LARGE1: variants seen among roughly 807,000 people sequenced by gnomAD.
The protein encoded by LARGE1 is xylosyl- and glucuronyltransferase LARGE1.
In LARGE1, 43 loss-of-function variants were observed where a neutral mutation model predicts 87.6. The observed-to-expected ratio is 0.49, with a 90% CI of 0.38 to 0.63. The LOEUF is 0.63. Among genes scored for constraint, LARGE1 ranks in the 30% least tolerant of loss-of-function variants. The pLI is 0.00. For missense variants in LARGE1, 802 were observed against 1,000.2 expected, an observed-to-expected ratio of 0.80 and a Z score of 2.67; for synonymous variants, 434 against 394.6, an observed-to-expected ratio of 1.10 and a Z score of -1.18.
rs141279979 is a variant in LARGE1 at position 33,641,255 on chromosome 22, G to A, written c.408+9112C>T. Among the ~76,000 whole-genome samples the A allele has an allele frequency of 3.9e-3, 593 of 152,190 alleles. 4 individuals are homozygous for A. The highest frequency in any genetic ancestry group is 0.014 in the African/African-American group (574 of 41,520). On this transcript the variant is annotated intron_variant, in intron 3 of 14. Coordinates refer to ENST00000397394, the MANE Select transcript of LARGE1 (RefSeq NM_133642.5). The stretch of plus-strand genomic sequence containing the variant: ...CCGCTGGTGATACCCAGGCAAACAG[G>A]GTATGGAGTGGACCTCCACCAAACT...
intron 6 of LARGE1, among the ~76,000 whole-genome samples, chr22:33,449,954 C>T (rs2067844386): frequency 6.6e-6 from 1 of 152,048 alleles, no homozygotes; most frequent in East Asian, 1.9e-4. Flanking sequence ...CTCTGTTGCC[C>T]AAGCTGGAGT....
intron 6 of LARGE1, among the ~76,000 whole-genome samples, chr22:33,467,127 T>C (rs893337921): frequency 1.3e-5 from 2 of 152,228 alleles, no homozygotes; most frequent in Non-Finnish European, 2.9e-5. Context: ...CTTCCATTTT[T>C]CCAGAGGCAG....
At chr22:33,356,767 T>A (rs138386142) in intron 9 of LARGE1, among the ~76,000 whole-genome samples, 1 of 149,522 alleles carries the variant, frequency 6.7e-6, no homozygotes, top group African/African-American at 2.5e-5. Flanking sequence ...AGACTCCATA[T>A]CAAAAAAGAA....
chr22:33,557,918 T>C (rs1185267984), intron 6 of LARGE1, among the ~76,000 whole-genome samples: 1 of 152,114 alleles, frequency 6.6e-6, no homozygotes, highest in Admixed American at 6.5e-5. Context: ...GCCCAGGACT[T>C]TTAACAAAAC....
intron 6 of LARGE1, among the ~76,000 whole-genome samples, chr22:33,484,830 T>C (rs1247049240): frequency 6.6e-6 from 1 of 152,082 alleles, no homozygotes; most frequent in East Asian, 1.9e-4. Flanking sequence ...GTCATTTTTG[T>C]GACACTATTG....
intron 1 of LARGE1, among the ~76,000 whole-genome samples, chr22:33,892,679 C>T (rs1016091083): frequency 7.2e-5 from 11 of 152,232 alleles, no homozygotes; most frequent in African/African-American, 2.7e-4. Context: ...AAGACACATG[C>T]CAGTTTCACT....
intron 1 of LARGE1, among the ~76,000 whole-genome samples, chr22:33,870,556 G>GTGTTGT (rs67447726): frequency 1.3e-4 from 20 of 150,442 alleles, no homozygotes; most frequent in African/African-American, 3.7e-4. Context: ...ATGACTGTCT[G>GTGTTGT]TGTTGTTGTT....
chr22:33,773,435 C>G lies in LARGE1; in HGVS notation c.-82-11877G>C, dbSNP rs544372712. On this transcript the variant is annotated intron_variant, in intron 1 of 14. Transcript: ENST00000397394. Reference sequence around the variant, plus strand: ...GTCAAATTCTCTGGCTGCAGAGAAACATGTACATTTGCCTTCAGAACCACT... The same window carrying G: ...GTCAAATTCTCTGGCTGCAGAGAAAGATGTACATTTGCCTTCAGAACCACT... Among the ~76,000 whole-genome samples the G allele has an allele frequency of 5.9e-5, 9 of 152,332 alleles. No homozygotes were observed. The East Asian group carries it at 1.4e-3, about 23-fold the overall frequency.
rs181282884 is a variant in LARGE1 at position 33,513,554 on chromosome 22, G to A, written c.787+51294C>T. Among the ~76,000 whole-genome samples, 319 of 152,242 alleles carry A rather than the reference G, an allele frequency of 2.1e-3. 2 individuals carry two copies. The highest frequency in any genetic ancestry group is 7.5e-3 in the African/African-American group (312 of 41,552). ...CTCTGCCTGAAAAAAATGCTGATAA[G>A]CAGATCCAGGAGGCAGCGAGATGCA... is the stretch of plus-strand genomic sequence containing the variant. On this transcript the variant is annotated intron_variant, in intron 6 of 14. Coordinates refer to ENST00000397394, the MANE Select transcript of LARGE1 (RefSeq NM_133642.5).
chr22:33,203,066 A>ACT (rs35446457), intron 11 of LARGE1, among the ~76,000 whole-genome samples: 1,727 of 139,430 alleles, frequency 0.012, 10 homozygotes, highest in Non-Finnish European at 0.018. Flanking sequence ...TAGAATCTAA[A>ACT]CTCTCTCTCT....
intron 2 of LARGE1, among the ~76,000 whole-genome samples, chr22:33,726,927 T>C (rs2083288410): frequency 1.3e-5 from 2 of 152,168 alleles, no homozygotes; most frequent in Admixed American, 6.5e-5. Context: ...AATCATTACC[T>C]ACTAAATGGC....
At position 33,846,916 on chromosome 22, in the gene LARGE1, C is replaced by T. The variant is rs1293719320; in HGVS notation, c.-83+73079G>A. Among the ~76,000 whole-genome samples, 6 of 152,158 alleles carry T rather than the reference C, an allele frequency of 3.9e-5. No homozygotes were observed. In the South Asian group the frequency reaches 8.3e-4, roughly 21 times the overall value. ...TTCATTAGCAATTTTAATTTCACCC[C>T]TGTCCTGTGGTCTTGTGATCTCGTT... On this transcript the variant is annotated intron_variant, in intron 1 of 14. Coordinates refer to ENST00000397394, the MANE Select transcript of LARGE1 (RefSeq NM_133642.5).
chr22:33,665,854 T>C (rs145153564), intron 2 of LARGE1, among the ~76,000 whole-genome samples: 2,517 of 151,512 alleles, frequency 0.017, 48 homozygotes, highest in African/African-American at 0.05. Context: ...ATCGTGCCAC[T>C]GCACCCCAGC....
intron 11 of LARGE1, among the ~76,000 whole-genome samples, chr22:33,210,557 G>T (rs1568975113): frequency 6.6e-6 from 1 of 152,192 alleles, no homozygotes; most frequent in Non-Finnish European, 1.5e-5. Context: ...ATGCTGTTTT[G>T]CCTACCCCGC....
chr22:33,753,792 G>A (rs1399343911), intron 2 of LARGE1, among the ~76,000 whole-genome samples: 1 of 152,158 alleles, frequency 6.6e-6, no homozygotes, highest in Non-Finnish European at 1.5e-5. Flanking sequence ...AGGTGCAGTG[G>A]CTCATACCTG....
At chr22:33,415,792 C>T (rs189654812) in intron 7 of LARGE1, among the ~76,000 whole-genome samples, 1 of 152,258 alleles carries the variant, frequency 6.6e-6, no homozygotes, top group Admixed American at 6.5e-5. Context: ...AGGGTCAAGA[C>T]ATAAATGGAG....
intron 6 of LARGE1, among the ~76,000 whole-genome samples, chr22:33,530,106 C>T (rs1389628089): frequency 6.6e-6 from 1 of 152,204 alleles, no homozygotes; most frequent in Non-Finnish European, 1.5e-5. Context: ...TTGGAGGTTC[C>T]TATCCTAAAT....
At chr22:33,336,399 C>T (rs1325600721) in intron 10 of LARGE1, among the ~76,000 whole-genome samples, 1 of 152,012 alleles carries the variant, frequency 6.6e-6, no homozygotes, top group Non-Finnish European at 1.5e-5. Context: ...GGGGTTTCAC[C>T]ATGTTAGCCA....
chr22:33,484,448 G>T (rs1371859119), intron 6 of LARGE1, among the ~76,000 whole-genome samples: 1 of 152,152 alleles, frequency 6.6e-6, no homozygotes, highest in Admixed American at 6.5e-5. Flanking sequence ...GTTAAAGGAT[G>T]ATCAATTTCC....
Sources: allele counts gnomAD v4.1 joint callset (sites outside exome capture counted in the v4.1 genomes callset), GRCh38; gene constraint gnomAD v4.1.1; transcripts MANE v1.5; gene names NCBI Gene and HGNC (gene_info 2026-07-23, HGNC 2026-07-21).